GCKR: variants seen among roughly 807,000 people sequenced by gnomAD.
GCKR encodes glucokinase regulatory protein.
GCKR carries 73 observed loss-of-function variants against 82.9 expected under a neutral mutation model. The observed-to-expected ratio is 0.88, with a 90% CI of 0.73 to 1.07. The LOEUF is 1.07. Ranked by LOEUF, GCKR falls within the 50% of genes least tolerant of loss-of-function variation. The pLI, the probability that GCKR is intolerant of heterozygous loss-of-function variation, is 0.00. For synonymous variants in GCKR, 294 were observed against 291.8 expected, an observed-to-expected ratio of 1.01 and a Z score of -0.08; for missense variants, 784 against 782.1, an observed-to-expected ratio of 1.00 and a Z score of -0.03.
At chr2:27,512,206 T>C (rs1423270957) in intron 16 of GCKR, among the ~76,000 whole-genome samples, 1 of 127,732 alleles carries the variant, frequency 7.8e-6, no homozygotes, top group Non-Finnish European at 1.5e-5. Flanking sequence ...ACCACTGCAC[T>C]GCAGCCTGGG....
intron 5 of GCKR, 32 bp downstream of exon 5, chr2:27,498,829 T>C: frequency 8.1e-7 from 1 of 1,238,008 alleles, no homozygotes; most frequent in Non-Finnish European, 1.2e-6. Context: ...ATATTTTGTT[T>C]GACCTAAATA....
At chr2:27,517,526 G>T (rs1444380989) in intron 16 of GCKR, among the ~76,000 whole-genome samples, 1 of 152,060 alleles carries the variant, frequency 6.6e-6, no homozygotes, top group Non-Finnish European at 1.5e-5. Flanking sequence ...ATGGGGGAAC[G>T]CCCCCTGCCC....
In GCKR at chr2:27,496,884, G is replaced by A. The variant is rs1669424445; in HGVS notation, c.-21G>A. On this transcript the variant is annotated 5_prime_UTR_variant, in exon 1 of 19. In the 5' UTR this introduces an upstream ATG that the reference lacks. Transcript: ENST00000264717. ...TGTGGCTGAAGAGGCAGGAGGAACA[G>A]TGTATCCACAGCGTGGGACCATGCC... 1.9e-6 allele frequency: 3 copies of A among 1,607,424 alleles called. No individual in the cohort carries two copies. Among genetic ancestry groups the A allele is most frequent in the Admixed American group, 1.7e-5 (1 of 60,018 alleles).
chr2:27,518,950 T>TG lies in GCKR; in HGVS notation c.1572+17dup. The TG allele has an allele frequency of 2.8e-6, 2 of 716,928 alleles. No individual in the cohort carries two copies. The highest frequency in any genetic ancestry group is 2.4e-6 in the Non-Finnish European group (1 of 421,238). 44.4% of individuals were successfully genotyped at this position (716,928 alleles called of 1,614,324 possible). On this transcript the variant is annotated intron_variant, in intron 17 of 18. Transcript: ENST00000264717. ...GGCCATGCTGCAGGTAGGGATATGA[T>TG]GGGGCAGGGTTGGGTGGGACCTGGC...
chr2:27,499,546 G>A (rs1331191452), intron 7 of GCKR, 96 bp downstream of exon 7: 5 of 961,886 alleles, frequency 5.2e-6, no homozygotes, highest in Non-Finnish European at 6.8e-6. Flanking sequence ...ATCGGTGCTA[G>A]AAGGCAGGAA....
chr2:27,516,215 A>C (rs1009480702), intron 16 of GCKR, among the ~76,000 whole-genome samples: 4 of 149,496 alleles, frequency 2.7e-5, no homozygotes, highest in African/African-American at 9.9e-5. Context: ...ATGTGCTGGT[A>C]CCATATGTTT....
chr2:27,503,572 A>G lies in GCKR; in HGVS notation c.703A>G (p.Lys235Glu). Residue 235 changes from lysine (K) to glutamate (E), a missense_variant, in exon 9 of 19, where the codon AAA becomes GAA. Physicochemically the swap from Lys to Glu is moderately conservative, Grantham distance 56. Coordinates refer to ENST00000264717, the MANE Select transcript of GCKR (RefSeq NM_001486.4). The part of the protein sequence containing the change: ...TFRQVAERMQ[K>E]MQEKQKAFVL... ...CCGACAAGTAGCAGAGCGGATGCAG[A>G]AAATGCAGGAGAAACAGAAAGCTTT... is the stretch of plus-strand genomic sequence containing the variant. 6.2e-7 allele frequency: 1 copy of G among 1,611,930 alleles called. No homozygotes were observed. Among genetic ancestry groups the G allele is most frequent in the Non-Finnish European group, 8.5e-7 (1 of 1,178,006 alleles).
At chr2:27,499,010 C>T (rs1669499617) in intron 5 of GCKR, 132 bp from the exon 6 acceptor site, 2 of 733,786 alleles carry the variant, frequency 2.7e-6, no homozygotes, top group East Asian at 2.6e-5. Context: ...GTCTATCATG[C>T]ACCAACAAAC....
chr2:27,504,450 C>G (rs567605180), intron 9 of GCKR, among the ~76,000 whole-genome samples: 1 of 151,862 alleles, frequency 6.6e-6, no homozygotes, highest in Non-Finnish European at 1.5e-5. Flanking sequence ...CTCTGCTCCC[C>G]TAGTTCAAGC....
chr2:27,509,332 A>G (rs1669824194), intron 16 of GCKR, among the ~76,000 whole-genome samples: 1 of 152,002 alleles, frequency 6.6e-6, no homozygotes, highest in South Asian at 2.1e-4. Flanking sequence ...TCTCCTTCCA[A>G]TGTCTTTCAT....
chr2:27,522,137 G>T (rs1359057903), intron 17 of GCKR, among the ~76,000 whole-genome samples: 2 of 152,148 alleles, frequency 1.3e-5, no homozygotes, highest in Non-Finnish European at 2.9e-5. Flanking sequence ...GATGGATTTG[G>T]TTACAGAGGA....
intron 9 of GCKR, 47 bp from the exon 10 acceptor site, chr2:27,505,671 G>C: frequency 3.0e-6 from 3 of 987,468 alleles, no homozygotes; most frequent in Non-Finnish European, 4.9e-6. Flanking sequence ...TGGTCTACGG[G>C]GTCTTCATCC....
At chr2:27,497,526 TTTTCTTGGCTTCTCA>T in intron 2 of GCKR, 21 bp from the exon 3 acceptor site, 1 of 1,583,900 alleles carries the variant, frequency 6.3e-7, no homozygotes, top group South Asian at 1.1e-5. Context: ...ATCGTCCTCC[TTTTCTTGGCTTCTCA>T]TTCCTGCATA....
At chr2:27,497,445 C>T in intron 2 of GCKR, 46 bp downstream of exon 2, 2 of 1,605,738 alleles carry the variant, frequency 1.2e-6, no homozygotes, top group South Asian at 2.2e-5. Context: ...ACATGCCAAC[C>T]CCAACCCCAC....
rs1318633918 is a variant in GCKR at position 27,523,351 on chromosome 2, T to TC, written c.1791dup (p.Cys598LeufsTer2). 6.2e-7 allele frequency: 1 copy of TC among 1,612,850 alleles called. No homozygotes were observed. The highest frequency in any genetic ancestry group is 1.7e-5 in the Admixed American group (1 of 60,020). On this transcript the variant is annotated frameshift_variant, in exon 19 of 19. Transcript: ENST00000264717. LOFTEE classifies it high-confidence loss of function. ...GCACACCTGGCTGCAGCTCCTTCTGTCTGTGAGGCTGTCAGGAGTGCTCTT... is the reference window on the plus strand; with the variant it reads ...GCACACCTGGCTGCAGCTCCTTCTGTCCTGTGAGGCTGTCAGGAGTGCTCTT...
At chr2:27,497,651 C>T in intron 3 of GCKR, 21 bp downstream of exon 3, 1 of 1,506,570 alleles carries the variant, frequency 6.6e-7, no homozygotes, top group Admixed American at 1.7e-5. Flanking sequence ...TCCTTCTGTT[C>T]CCTGCCTAAA....
chr2:27,498,323 G>T lies in GCKR; in HGVS notation c.354G>T (p.Ser118=), dbSNP rs143881585. ...GTSGRMAFLM[S]VSFNQLMKGL... ...CTGGCCGGATGGCATTCCTCATGTC[G>T]GTGAGCACCCTGGTCTCCAGTTTTC... Residue 118 remains serine, a splice_region_variant and synonymous_variant, in exon 4 of 19, where the codon TCG becomes TCT. Coordinates refer to ENST00000264717, the MANE Select transcript of GCKR (RefSeq NM_001486.4). 2 of 1,609,444 alleles carry T rather than the reference G, an allele frequency of 1.2e-6. No homozygotes were observed. Among genetic ancestry groups the T allele is most frequent in the East Asian group, 2.2e-5 (1 of 44,846 alleles).
intron 9 of GCKR, 121 bp downstream of exon 9, chr2:27,503,740 G>A: frequency 2.9e-6 from 2 of 696,006 alleles, no homozygotes; most frequent in Admixed American, 2.1e-5. Flanking sequence ...GAGGTATTGT[G>A]AGTCAGCTAA....
chr2:27,521,713 TTTTC>T (rs368283386), intron 17 of GCKR, among the ~76,000 whole-genome samples: 62 of 151,936 alleles, frequency 4.1e-4, no homozygotes, highest in African/African-American at 1.4e-3. Flanking sequence ...CATTATATTT[TTTTC>T]TTTATTTTTA....
Sources: gnomAD v4.1 joint callset for allele counts (sites outside exome capture counted in the v4.1 genomes callset) on GRCh38, gnomAD v4.1.1 for gene constraint, MANE v1.5 for transcripts, NCBI Gene and HGNC (gene_info 2026-07-23, HGNC 2026-07-21) for gene names.